FMO5: variants seen among roughly 807,000 people sequenced by gnomAD.
The protein encoded by FMO5 is flavin containing dimethylaniline monoxygenase 5.
FMO5 carries 51 observed loss-of-function variants against 43.6 expected under a neutral mutation model. That is an observed-to-expected ratio of 1.17 (90% CI 0.93 to 1.48). The LOEUF (loss-of-function observed/expected upper bound fraction) is 1.48, where lower values mean the gene tolerates loss of function less well. FMO5 is among the 40% of genes most tolerant of loss of function. The pLI, the probability that FMO5 is intolerant of heterozygous loss-of-function variation, is 0.00. For missense variants in FMO5, 644 were observed against 643.0 expected (o/e 1.00, Z -0.02); for synonymous variants, 187 against 216.5 (o/e 0.86, Z 1.20).
chr1:147,203,365 AGTACAGTG>A, intron 6 of FMO5: 9 of 1,225,798 alleles, frequency 7.3e-6, no homozygotes, highest in Non-Finnish European at 1.1e-5. Context: ...ACCCACTCTA[AGTACAGTG>A]ACTGCAGCAT....
chr1:147,221,374 G>T (rs1029474563), intron 2 of FMO5, among the ~76,000 whole-genome samples: 1 of 152,116 alleles, frequency 6.6e-6, no homozygotes, highest in African/African-American at 2.4e-5. Flanking sequence ...GAGGTGTACT[G>T]TAATTCTCTG....
chr1:147,216,038 T>C (rs990171875), intron 2 of FMO5, 96 bp from the exon 3 acceptor site: 10 of 798,760 alleles, frequency 1.3e-5, no homozygotes, highest in Non-Finnish European at 1.8e-5. Context: ...GAAAGAAGTG[T>C]CAATTAAATC....
intron 2 of FMO5, among the ~76,000 whole-genome samples, chr1:147,219,840 C>CTTTTTTT (rs71083821): frequency 3.0e-5 from 4 of 132,896 alleles, no homozygotes; most frequent in Admixed American, 7.6e-5. Flanking sequence ...ATGTTAATTG[C>CTTTTTTT]TTTTTTTTTT....
rs587757202 is a variant in FMO5, at chr1:147,212,392, C to G, written c.630+1G>C. The G allele has an allele frequency of 1.9e-6, 3 of 1,613,820 alleles. No individual in the cohort carries two copies. The East Asian group carries it at 6.7e-5, about 36-fold the overall frequency. On this transcript the variant is annotated splice_donor_variant, in intron 5 of 8. Coordinates refer to ENST00000254090, the MANE Select transcript of FMO5 (RefSeq NM_001461.4). LOFTEE classifies it high-confidence loss of function. Reference sequence around the variant, plus strand: ...GTAAATAATAATTGAGTGATTCAAACCTGCTTGGCTGTTTGGCTAATCTCT... The same window carrying G: ...GTAAATAATAATTGAGTGATTCAAAGCTGCTTGGCTGTTTGGCTAATCTCT...
chr1:147,220,519 G>A (rs1218162257), intron 2 of FMO5, among the ~76,000 whole-genome samples: 4 of 152,158 alleles, frequency 2.6e-5, no homozygotes, highest in African/African-American at 9.7e-5. Context: ...GCTGTGCATA[G>A]TGACTTTGTT....
intron 7 of FMO5, among the ~76,000 whole-genome samples, chr1:147,195,003 G>A (rs782669637): frequency 6.6e-6 from 1 of 151,504 alleles, no homozygotes; most frequent in Non-Finnish European, 1.5e-5. Flanking sequence ...TGCTCTTCTT[G>A]AGGAGTATCT....
intron 2 of FMO5, chr1:147,224,197 G>T (rs1571451082): frequency 3.9e-6 from 1 of 255,102 alleles, no homozygotes; most frequent in Non-Finnish European, 7.8e-6. Context: ...AGGAGGTGTG[G>T]CTAAGTTGGT....
chr1:147,192,516 C>G (rs1250974813), intron 7 of FMO5, among the ~76,000 whole-genome samples: 2 of 151,868 alleles, frequency 1.3e-5, no homozygotes, highest in Non-Finnish European at 2.9e-5. Flanking sequence ...CTTCTCCTGC[C>G]TAATTGCCCT....
In FMO5 at chr1:147,186,328, T is replaced by C. The variant is rs1655612271; in HGVS notation, c.*572A>G. 4 of 981,096 alleles carry C rather than the reference T, an allele frequency of 4.1e-6. 1 individual carries two copies. The South Asian group carries it at 1.9e-4, about 46-fold the overall frequency. The allele number at this position is 981,096 out of a possible 1,614,324, so 60.8% of individuals were successfully genotyped here. On this transcript the variant is annotated 3_prime_UTR_variant, in exon 9 of 9. Coordinates refer to ENST00000254090, the MANE Select transcript of FMO5 (RefSeq NM_001461.4). Reference sequence around the variant, plus strand: ...TAAGGAAAAGGGCTAAAAATGACCATGTTTCAAGTACACTAGTGAATAGCA... The same window carrying C: ...TAAGGAAAAGGGCTAAAAATGACCACGTTTCAAGTACACTAGTGAATAGCA...
chr1:147,207,670 G>A (rs1660337539), intron 6 of FMO5, among the ~76,000 whole-genome samples: 1 of 152,078 alleles, frequency 6.6e-6, no homozygotes, highest in African/African-American at 2.4e-5. Flanking sequence ...GGAGGCCAAA[G>A]CAACTCCATC....
chr1:147,211,532 A>G (rs1176909786), intron 5 of FMO5: 1 of 152,220 alleles, frequency 6.6e-6, no homozygotes, highest in Non-Finnish European at 1.5e-5. Flanking sequence ...GAATTGTAGC[A>G]CTAAGCTTCT....
intron 1 of FMO5, 22 bp downstream of exon 1, chr1:147,225,265 C>A: frequency 8.9e-7 from 1 of 1,124,854 alleles, no homozygotes. Context: ...TGAGAGTGCT[C>A]TGCTGCGGTA....
chr1:147,204,738 C>T, intron 6 of FMO5: 1 of 1,517,940 alleles, frequency 6.6e-7, no homozygotes, highest in Non-Finnish European at 9.2e-7. Context: ...CATCATTTGT[C>T]ACAAACAACT....
chr1:147,219,230 C>G (rs1662564900), intron 2 of FMO5, among the ~76,000 whole-genome samples: 1 of 152,066 alleles, frequency 6.6e-6, no homozygotes, highest in African/African-American at 2.4e-5. Context: ...ATTCTAATCA[C>G]CAAATATGTA....
intron 8 of FMO5, among the ~76,000 whole-genome samples, chr1:147,188,961 TG>T (rs1553917838): frequency 1.3e-5 from 2 of 152,118 alleles, no homozygotes; most frequent in East Asian, 1.9e-4. Context: ...AAAATGAAGT[TG>T]GTCACAGGTG....
At chr1:147,204,238 T>C (rs1659559953) in intron 6 of FMO5, 1 of 1,268,176 alleles carries the variant, frequency 7.9e-7, no homozygotes, top group Non-Finnish European at 1.2e-6. Flanking sequence ...CTTTGACAGA[T>C]GTACATCACC....
At chr1:147,222,442 G>T (rs932937055) in intron 2 of FMO5, among the ~76,000 whole-genome samples, 3 of 152,128 alleles carry the variant, frequency 2.0e-5, no homozygotes, top group African/African-American at 7.2e-5. Context: ...AAGTAATAAG[G>T]ACAGAAGAAA....
chr1:147,212,140 C>G (rs902054273), intron 5 of FMO5, among the ~76,000 whole-genome samples: 7 of 152,184 alleles, frequency 4.6e-5, no homozygotes, highest in Non-Finnish European at 8.8e-5. Flanking sequence ...ATAATGAGCC[C>G]AGACTTTAGC....
intron 6 of FMO5, 112 bp downstream of exon 6, chr1:147,208,740 C>T (rs1181971222): frequency 3.5e-6 from 3 of 856,912 alleles, no homozygotes; most frequent in South Asian, 3.2e-5. Flanking sequence ...TGCCCAGCCA[C>T]TGTGGGTTTT....
Sources: allele counts gnomAD v4.1 joint callset (sites outside exome capture counted in the v4.1 genomes callset), GRCh38; gene constraint gnomAD v4.1.1; transcripts MANE v1.5; gene names NCBI Gene and HGNC (gene_info 2026-07-23, HGNC 2026-07-21).